Variants in GAB1 observed in about 807,000 individuals in gnomAD.
GAB1 encodes GRB2-associated-binding protein 1.
A neutral mutation model predicts 66.5 loss-of-function variants in GAB1; 19 were observed. The ratio of observed to expected loss-of-function variants is 0.29; its 90% CI spans 0.20 to 0.42. GAB1 has a LOEUF of 0.42. Ranked by LOEUF, GAB1 falls within the 10% of genes least tolerant of loss-of-function variation. GAB1 has a pLI of 1.00. For missense variants in GAB1, 732 were observed against 858.5 expected (o/e 0.85, Z 1.84); for synonymous variants, 294 against 301.4 (o/e 0.98, Z 0.25).
At chr4:143,415,862 C>A in intron 2 of GAB1, 91 bp downstream of exon 2, 2 of 999,678 alleles carry the variant, frequency 2.0e-6, no homozygotes, top group Non-Finnish European at 2.9e-6. Context: ...TTTAGTTACA[C>A]AATATAATGT....
Position 143,384,533 on chromosome 4 carries a change from G to A in GAB1, c.73-30944G>A, listed in dbSNP as rs563700934. 3.9e-5 allele frequency among the ~76,000 whole-genome samples: 6 copies of A among 152,290 alleles called. No individual in the cohort carries two copies. In the East Asian group the frequency reaches 9.6e-4, roughly 24 times the overall value. On this transcript the variant is annotated intron_variant, in intron 1 of 9. Coordinates refer to ENST00000262994, the MANE Select transcript of GAB1 (RefSeq NM_002039.4). ...GGACAGGAAAGGCTGTGGCCGTCAG[G>A]GAAATGGAGCCAGATGGTCCTCATG...
At position 143,337,134 on chromosome 4, in the gene GAB1, G is replaced by C. The variant is rs1363310984; in HGVS notation, c.-55G>C. On this transcript the variant is annotated 5_prime_UTR_variant, in exon 1 of 10. Coordinates refer to ENST00000262994, the MANE Select transcript of GAB1 (RefSeq NM_002039.4). ...CGCTCGGCAGGCGTCGGCTGTGTCG[G>C]GAGCGCGCCCGCCGCCCCTCAGCTG... 78 of 1,494,122 alleles carry C rather than the reference G, an allele frequency of 5.2e-5. 1 individual carries two copies. In the Admixed American group the frequency reaches 1.5e-3, roughly 30 times the overall value. The allele number at this position is 1,494,122 out of a possible 1,614,324, so 92.6% of individuals were successfully genotyped here.
chr4:143,406,080 C>T (rs1226232273), intron 1 of GAB1, among the ~76,000 whole-genome samples: 1 of 152,042 alleles, frequency 6.6e-6, no homozygotes, highest in Admixed American at 6.5e-5. Flanking sequence ...CTGGGTTTGC[C>T]CAGGACTGAG....
chr4:143,382,060 A>T (rs1473138958), intron 1 of GAB1: 1 of 152,184 alleles, frequency 6.6e-6, no homozygotes, highest in Non-Finnish European at 1.5e-5. Context: ...TCATTTTTAT[A>T]CTAATAGATT....
In GAB1 at chr4:143,470,347, C is replaced by G. The variant is rs1227223773; in HGVS notation, c.*1158C>G. ...TATAAGTGATTCTCGTATGTAGCACCTGTTGCTTTTCCACTGAAAGAATTA... is the reference window on the plus strand; with the variant it reads ...TATAAGTGATTCTCGTATGTAGCACGTGTTGCTTTTCCACTGAAAGAATTA... On this transcript the variant is annotated 3_prime_UTR_variant, in exon 10 of 10. Coordinates refer to ENST00000262994, the MANE Select transcript of GAB1 (RefSeq NM_002039.4). 1 of 151,982 alleles carries G rather than the reference C, an allele frequency of 6.6e-6. No homozygotes were observed. Among genetic ancestry groups the G allele is most frequent in the Non-Finnish European group, 1.5e-5 (1 of 68,018 alleles). 9.4% of individuals were successfully genotyped at this position (151,982 alleles called of 1,614,324 possible). A position where few individuals can be genotyped will look rare whatever the true frequency, so the allele number is the denominator to read the frequency against.
chr4:143,351,360 TC>T (rs1195689215), intron 1 of GAB1, among the ~76,000 whole-genome samples: 2 of 152,208 alleles, frequency 1.3e-5, no homozygotes, highest in East Asian at 3.9e-4. Flanking sequence ...CTGACTCTTC[TC>T]CAGCTTCTCC....
intron 2 of GAB1, among the ~76,000 whole-genome samples, chr4:143,419,464 G>A (rs982446122): frequency 4.6e-5 from 7 of 152,118 alleles, no homozygotes; most frequent in Non-Finnish European, 7.4e-5. Flanking sequence ...TAGGTTGAGT[G>A]TAACTCTTGA....
In GAB1 at chr4:143,350,347, C is replaced by T. The variant is rs868429759; in HGVS notation, c.72+13087C>T. Among the ~76,000 whole-genome samples, 30 of 152,240 alleles carry T rather than the reference C, an allele frequency of 2.0e-4. No individual in the cohort carries two copies. The Middle Eastern group carries it at 0.014, about 69-fold the overall frequency. ...TACTCAGTTATTTTGTCATGTGGCA[C>T]TGTTATCATGGCTTAGCTCACTAAA... On this transcript the variant is annotated intron_variant, in intron 1 of 9. Transcript: ENST00000262994.
intron 1 of GAB1, among the ~76,000 whole-genome samples, chr4:143,413,280 A>G (rs1732492020): frequency 6.6e-6 from 1 of 152,206 alleles, no homozygotes; most frequent in South Asian, 2.1e-4. Flanking sequence ...GGATAATTTT[A>G]CTAAGAGATG....
intron 1 of GAB1, among the ~76,000 whole-genome samples, chr4:143,363,145 T>C (rs1729731477): frequency 1.3e-5 from 2 of 152,232 alleles, no homozygotes; most frequent in South Asian, 2.1e-4. Context: ...CCTGCTATCA[T>C]ACCAGCATTC....
At chr4:143,391,049 T>C (rs901584914) in intron 1 of GAB1, among the ~76,000 whole-genome samples, 1 of 152,242 alleles carries the variant, frequency 6.6e-6, no homozygotes, top group Non-Finnish European at 1.5e-5. Flanking sequence ...GTATAATTTC[T>C]ACCTGGATGA....
At chr4:143,363,801 G>GAAA (rs1729759890) in intron 1 of GAB1, among the ~76,000 whole-genome samples, 1 of 152,112 alleles carries the variant, frequency 6.6e-6, no homozygotes, top group Non-Finnish European at 1.5e-5. Flanking sequence ...GGTGGTCCTT[G>GAAA]GGGCCACACC....
rs756526005 is a variant in GAB1 at position 143,466,198 on chromosome 4, T to G, written c.1899T>G (p.Asp633Glu). The stretch of plus-strand genomic sequence containing the variant: ...TGGAATACTTAGATCTCGACTTAGA[T>G]TCTGGGAAATCCACACCACCACGTA... Reference protein sequence around the residue: ...KQVEYLDLDLDSGKSTPPRKQ... With the variant: ...KQVEYLDLDLESGKSTPPRKQ... Residue 633 changes from aspartate (D) to glutamate (E), a missense_variant, in exon 9 of 10, where the codon GAT becomes GAG. Asp to Glu is a conservative substitution (Grantham distance 45, BLOSUM62 2). Coordinates refer to ENST00000262994, the MANE Select transcript of GAB1 (RefSeq NM_002039.4). The G allele has an allele frequency of 6.2e-7, 1 of 1,613,796 alleles. No homozygotes were observed. The highest frequency in any genetic ancestry group is 1.1e-5 in the South Asian group (1 of 91,066).
At chr4:143,463,419 GC>G (rs761437946) in intron 8 of GAB1, among the ~76,000 whole-genome samples, 2 of 151,868 alleles carry the variant, frequency 1.3e-5, no homozygotes, top group African/African-American at 2.4e-5. Context: ...GGTCAGTAGT[GC>G]GAGACCAGCC....
intron 2 of GAB1, chr4:143,417,336 A>G: frequency 1.2e-5 from 4 of 344,356 alleles, no homozygotes; most frequent in Non-Finnish European, 2.2e-5. Flanking sequence ...CTATCCTGGA[A>G]AGAGCTGAGT....
At chr4:143,341,579 C>T (rs1226749818) in intron 1 of GAB1, among the ~76,000 whole-genome samples, 2 of 152,332 alleles carry the variant, frequency 1.3e-5, no homozygotes, top group East Asian at 1.9e-4. Flanking sequence ...TGACAGCCAG[C>T]CTGGTAGCAA....
intron 1 of GAB1, among the ~76,000 whole-genome samples, chr4:143,355,432 A>C (rs559580238): frequency 1.3e-5 from 2 of 149,330 alleles, no homozygotes; most frequent in Non-Finnish European, 3.0e-5. Flanking sequence ...GTTTAAAACA[A>C]AACAACAACA....
At chr4:143,425,993 A>T (rs1186742147) in intron 2 of GAB1, 11 of 663,716 alleles carry the variant, frequency 1.7e-5, no homozygotes, top group Admixed American at 5.7e-5. Flanking sequence ...AATAAAAAAA[A>T]TTTTAAAAAT....
chr4:143,341,429 G>A (rs1314047528), intron 1 of GAB1, among the ~76,000 whole-genome samples: 1 of 152,198 alleles, frequency 6.6e-6, no homozygotes, highest in Non-Finnish European at 1.5e-5. Context: ...TACCACCATC[G>A]CTCTGGAGGA....
Sources: gnomAD v4.1 joint callset for allele counts (sites outside exome capture counted in the v4.1 genomes callset) on GRCh38, gnomAD v4.1.1 for gene constraint, MANE v1.5 for transcripts, NCBI Gene and HGNC (gene_info 2026-07-23, HGNC 2026-07-21) for gene names.